The following ATP8B1 variants were observed in gnomAD, a reference collection of about 807,000 sequenced individuals.
ATP8B1 encodes phospholipid-transporting ATPase IC.
A neutral mutation model predicts 149.9 loss-of-function variants in ATP8B1; 80 were observed. The ratio of observed to expected loss-of-function variants is 0.53; its 90% CI spans 0.45 to 0.64. ATP8B1 has a LOEUF of 0.64. Ranked by LOEUF, ATP8B1 falls within the 30% of genes least tolerant of loss-of-function variation. ATP8B1 has a pLI of 0.00. For missense variants in ATP8B1, 1,247 were observed against 1,552.6 expected, an observed-to-expected ratio of 0.80 and a Z score of 3.31; for synonymous variants, 536 against 562.8, an observed-to-expected ratio of 0.95 and a Z score of 0.67.
Position 57,675,006 on chromosome 18 carries a change from C to G in ATP8B1, c.1647G>C (p.Gln549His). 1.2e-6 allele frequency: 2 copies of G among 1,614,100 alleles called. No individual in the cohort carries two copies. The highest frequency in any genetic ancestry group is 1.7e-6 in the Non-Finnish European group (2 of 1,180,000). ...GGGCACCTTCATCGGGAGAGGCTGC[C>G]TGGTAGTTGAGCTGACCTAACAAGG... The part of the protein sequence containing the change: ...VDRTDGQLNY[Q>H]AASPDEGALV... Residue 549 changes from glutamine (Q) to histidine (H), a missense_variant, in exon 16 of 28, where the codon CAG becomes CAC. Physicochemically the swap from Gln to His is conservative, Grantham distance 24. Coordinates refer to ENST00000648908, the MANE Select transcript of ATP8B1 (RefSeq NM_001374385.1).
intron 2 of ATP8B1, among the ~76,000 whole-genome samples, chr18:57,713,240 C>CTTCCTTCCTTCCTTCCTTCTTTCTTTCT (rs1555694278): frequency 1.5e-5 from 1 of 65,094 alleles, no homozygotes; most frequent in African/African-American, 5.4e-5. Context: ...TCCTTCCTTC[C>CTTCCTTCCTTCCTTCCTTCTTTCTTTCT]TTCTTTCTTT....
chr18:57,680,967 A>G lies in ATP8B1; in HGVS notation c.1630+3069T>C, dbSNP rs1053490334. Among the ~76,000 whole-genome samples, 23 of 152,154 alleles carry G rather than the reference A, an allele frequency of 1.5e-4. 1 individual carries two copies. Among genetic ancestry groups the G allele is most frequent in the African/African-American group, 5.1e-4 (21 of 41,430 alleles). ...GCAATGGCCTCAAGGTTCCCATCCC[A>G]GTGCTGTACATTCACTTTCTCCCAT... is the stretch of plus-strand genomic sequence containing the variant. On this transcript the variant is annotated intron_variant, in intron 15 of 27. Transcript: ENST00000648908.
At chr18:57,741,588 C>T (rs1226868378) in intron 1 of ATP8B1, among the ~76,000 whole-genome samples, 2 of 152,186 alleles carry the variant, frequency 1.3e-5, no homozygotes, top group Non-Finnish European at 1.5e-5. Flanking sequence ...ACGGAGAACC[C>T]AGTTAAGCTG....
chr18:57,785,053 C>G (rs1163227667), intron 1 of ATP8B1, among the ~76,000 whole-genome samples: 1 of 152,202 alleles, frequency 6.6e-6, no homozygotes, highest in Non-Finnish European at 1.5e-5. Context: ...TTTCAATTTT[C>G]TCATGTTCCG....
Position 57,688,517 on chromosome 18 carries a change from CAGA to C in ATP8B1, c.1221-13_1221-11del, listed in dbSNP as rs746476823. The C allele has an allele frequency of 1.9e-6, 3 of 1,613,790 alleles. No individual in the cohort carries two copies. In the South Asian group the frequency reaches 3.3e-5, roughly 18 times the overall value. Reference sequence around the variant, plus strand: ...ACGAATCACTTCCACGCTAGGAAGACAGAAGATTATTTTCCGTAGAGAGCTCGG... The same window carrying C: ...ACGAATCACTTCCACGCTAGGAAGACAGATTATTTTCCGTAGAGAGCTCGG... On this transcript the variant is annotated splice_polypyrimidine_tract_variant and intron_variant, in intron 12 of 27. Coordinates refer to ENST00000648908, the MANE Select transcript of ATP8B1 (RefSeq NM_001374385.1).
At chr18:57,665,032 T>C (rs992294758) in intron 20 of ATP8B1, among the ~76,000 whole-genome samples, 6 of 152,014 alleles carry the variant, frequency 3.9e-5, no homozygotes, top group Non-Finnish European at 7.4e-5. Context: ...CTCTACCCAC[T>C]AGAAGCCAGG....
chr18:57,660,536 T>G (rs1294429678), intron 22 of ATP8B1, among the ~76,000 whole-genome samples: 3 of 152,220 alleles, frequency 2.0e-5, no homozygotes, highest in Non-Finnish European at 4.4e-5. Context: ...TTTGTTTTTT[T>G]GAGATGGAGT....
chr18:57,684,339 C>T, intron 14 of ATP8B1, 147 bp from the exon 15 acceptor site: 1 of 858,410 alleles, frequency 1.2e-6, no homozygotes, highest in Non-Finnish European at 1.8e-6. Flanking sequence ...AAGAGGCTCA[C>T]AACTGTCTTA....
intron 15 of ATP8B1, among the ~76,000 whole-genome samples, chr18:57,681,977 C>T (rs1483032951): frequency 4.0e-5 from 6 of 151,526 alleles, no homozygotes; most frequent in African/African-American, 7.3e-5. Flanking sequence ...CAAAGAGCTG[C>T]GGTATGTCAG....
At chr18:57,779,562 A>T (rs2080339705) in intron 1 of ATP8B1, among the ~76,000 whole-genome samples, 1 of 152,186 alleles carries the variant, frequency 6.6e-6, no homozygotes, top group South Asian at 2.1e-4. Flanking sequence ...TGGTATTTCT[A>T]CCTTATTTTT....
At chr18:57,792,940 C>T (rs989495815) in intron 1 of ATP8B1, among the ~76,000 whole-genome samples, 5 of 152,154 alleles carry the variant, frequency 3.3e-5, no homozygotes, top group Non-Finnish European at 4.4e-5. Context: ...ACAGACCGCC[C>T]TCCTGTCAAT....
intron 1 of ATP8B1, among the ~76,000 whole-genome samples, chr18:57,756,192 C>CATATATATATATATATAT (rs147263393): frequency 3.4e-4 from 29 of 84,704 alleles, no homozygotes; most frequent in African/African-American, 9.1e-4. Flanking sequence ...ATTTCCACAA[C>CATATATATATATATATAT]ATATATATAT....
intron 21 of ATP8B1, among the ~76,000 whole-genome samples, chr18:57,662,066 T>G (rs1910487782): frequency 6.6e-6 from 1 of 152,168 alleles, no homozygotes; most frequent in African/African-American, 2.4e-5. Context: ...TAGCCTGGGT[T>G]GAAGTGCAGT....
intron 1 of ATP8B1, among the ~76,000 whole-genome samples, chr18:57,795,147 T>G (rs1447223717): frequency 6.6e-6 from 1 of 151,954 alleles, no homozygotes; most frequent in Non-Finnish European, 1.5e-5. Flanking sequence ...ACCTGTCATC[T>G]CAACACTAGG....
chr18:57,674,799 G>C, intron 16 of ATP8B1, 35 bp downstream of exon 16: 1 of 1,607,474 alleles, frequency 6.2e-7, no homozygotes, highest in Non-Finnish European at 8.5e-7. Flanking sequence ...ACATCTAAAT[G>C]AGCGATTCAT....
intron 22 of ATP8B1, among the ~76,000 whole-genome samples, chr18:57,658,078 T>G (rs12969466): frequency 0.46 from 68,658 of 150,838 alleles, 15,947 homozygotes; most frequent in East Asian, 0.51. Flanking sequence ...ATGGAGTCTT[T>G]TTCTGTCGCC....
At chr18:57,724,461 A>C (rs1263663986) in intron 2 of ATP8B1, among the ~76,000 whole-genome samples, 1 of 152,144 alleles carries the variant, frequency 6.6e-6, no homozygotes, top group Non-Finnish European at 1.5e-5. Flanking sequence ...GACACTAATC[A>C]AAAGAAGACA....
chr18:57,774,577 CAG>C (rs1354102750), intron 1 of ATP8B1, among the ~76,000 whole-genome samples: 1 of 151,944 alleles, frequency 6.6e-6, no homozygotes, highest in East Asian at 1.9e-4. Context: ...GCCTGGGCGA[CAG>C]AGTGTGAGAC....
At chr18:57,721,439 T>A (rs1164770347) in intron 2 of ATP8B1, among the ~76,000 whole-genome samples, 2 of 146,404 alleles carry the variant, frequency 1.4e-5, no homozygotes, top group Non-Finnish European at 3.0e-5. Context: ...AAGGCAGGGG[T>A]TGCAATCCTA....
Sources: allele counts gnomAD v4.1 joint callset (sites outside exome capture counted in the v4.1 genomes callset), GRCh38; gene constraint gnomAD v4.1.1; transcripts MANE v1.5; gene names NCBI Gene and HGNC (gene_info 2026-07-23, HGNC 2026-07-21).